AKT3: variants seen among roughly 807,000 people sequenced by gnomAD.
AKT3 encodes RAC-gamma serine/threonine-protein kinase.
AKT3 carries 15 observed loss-of-function variants against 65.3 expected under a neutral mutation model. That is an observed-to-expected ratio of 0.23 (90% CI 0.15 to 0.35). AKT3 has a LOEUF of 0.35. Among genes scored for constraint, AKT3 ranks in the 10% least tolerant of loss-of-function variants. The pLI is 1.00. For missense variants in AKT3, 243 were observed against 576.5 expected, an observed-to-expected ratio of 0.42 and a Z score of 5.92; for synonymous variants, 206 against 183.8, an observed-to-expected ratio of 1.12 and a Z score of -0.98.
intron 2 of AKT3, among the ~76,000 whole-genome samples, chr1:243,811,592 CTG>C: frequency 6.6e-6 from 1 of 152,294 alleles, no homozygotes; most frequent in African/African-American, 2.4e-5. Context: ...AATGGCCATA[CTG>C]CCCAAGGTAA....
At chr1:243,571,244 G>C (rs1467814828) in intron 9 of AKT3, among the ~76,000 whole-genome samples, 1 of 152,194 alleles carries the variant, frequency 6.6e-6, no homozygotes, top group Non-Finnish European at 1.5e-5. Flanking sequence ...CAGAACCAGG[G>C]AGTTGGAGGT....
chr1:243,807,247 C>A (rs528024698), intron 2 of AKT3, among the ~76,000 whole-genome samples: 1 of 152,134 alleles, frequency 6.6e-6, no homozygotes, highest in Admixed American at 6.5e-5. Context: ...TCACCTCACC[C>A]GGGAAGCACA....
chr1:243,754,108 G>A (rs1688978637), intron 2 of AKT3, among the ~76,000 whole-genome samples: 1 of 152,124 alleles, frequency 6.6e-6, no homozygotes, highest in Non-Finnish European at 1.5e-5. Flanking sequence ...ACAGGGTACT[G>A]GTTTGGAAGA....
At chr1:243,516,514 C>A (rs1467373577) in intron 12 of AKT3, among the ~76,000 whole-genome samples, 5 of 152,256 alleles carry the variant, frequency 3.3e-5, no homozygotes, top group Middle Eastern at 3.4e-3. Flanking sequence ...GTTCTGCTTA[C>A]ACTGTGTTTA....
At chr1:243,608,121 T>C (rs1677569063) in intron 8 of AKT3, among the ~76,000 whole-genome samples, 1 of 152,180 alleles carries the variant, frequency 6.6e-6, no homozygotes, top group African/African-American at 2.4e-5. Context: ...ACAGAGTGAC[T>C]TACACAAACC....
At chr1:243,649,714 T>C (rs1681154690) in intron 4 of AKT3, among the ~76,000 whole-genome samples, 1 of 152,186 alleles carries the variant, frequency 6.6e-6, no homozygotes, top group Non-Finnish European at 1.5e-5. Context: ...GTTTCCAGCT[T>C]CATCCATGTG....
chr1:243,790,790 G>A (rs532558157), intron 2 of AKT3, among the ~76,000 whole-genome samples: 3 of 152,184 alleles, frequency 2.0e-5, no homozygotes, highest in East Asian at 3.9e-4. Context: ...TTACTGACTG[G>A]ACTAATTTCA....
chr1:243,488,748 C>T (rs879571012), intron 13 of AKT3, among the ~76,000 whole-genome samples: 2 of 152,132 alleles, frequency 1.3e-5, no homozygotes, highest in Non-Finnish European at 2.9e-5. Flanking sequence ...CTTCCTTTTC[C>T]TTCTACTTAC....
intron 2 of AKT3, among the ~76,000 whole-genome samples, chr1:243,729,320 A>G (rs928844728): frequency 6.6e-5 from 10 of 152,196 alleles, no homozygotes; most frequent in Non-Finnish European, 1.5e-4. Flanking sequence ...ATGATAAAGC[A>G]GAGAGGGAGA....
intron 2 of AKT3, among the ~76,000 whole-genome samples, chr1:243,710,182 A>G (rs78076225): frequency 0.022 from 3,400 of 152,268 alleles, 116 homozygotes; most frequent in African/African-American, 0.078. Context: ...TTTCTGAATT[A>G]TCCTGAAAAT....
intron 12 of AKT3, among the ~76,000 whole-genome samples, chr1:243,531,963 C>G (rs1671562983): frequency 1.3e-5 from 2 of 152,134 alleles, no homozygotes; most frequent in Admixed American, 1.3e-4. Context: ...CTTTTGCATC[C>G]TGCAACTTTA....
chr1:243,839,099 A>C (rs984297297), intron 2 of AKT3, among the ~76,000 whole-genome samples: 1 of 152,174 alleles, frequency 6.6e-6, no homozygotes, highest in Admixed American at 6.5e-5. Context: ...GTTTTTATGA[A>C]ATTTTATTAA....
At chr1:243,745,607 G>C (rs1688432756) in intron 2 of AKT3, among the ~76,000 whole-genome samples, 1 of 152,138 alleles carries the variant, frequency 6.6e-6, no homozygotes, top group Non-Finnish European at 1.5e-5. Context: ...TGTCCAACCT[G>C]TGACCCTCAG....
chr1:243,733,941 A>G (rs1687696758), intron 2 of AKT3, among the ~76,000 whole-genome samples: 1 of 152,232 alleles, frequency 6.6e-6, no homozygotes, highest in African/African-American at 2.4e-5. Context: ...ACTGAGGTAC[A>G]ACTGTAACCA....
intron 3 of AKT3, among the ~76,000 whole-genome samples, chr1:243,684,609 A>T (rs1431418447): frequency 6.6e-6 from 1 of 152,192 alleles, no homozygotes; most frequent in Non-Finnish European, 1.5e-5. Context: ...ATAGGGCTGC[A>T]ATAAACATAC....
At chr1:243,797,150 A>G (rs1042366223) in intron 2 of AKT3, among the ~76,000 whole-genome samples, 4 of 152,146 alleles carry the variant, frequency 2.6e-5, no homozygotes, top group Non-Finnish European at 5.9e-5. Context: ...ATATTTTACT[A>G]CAACCTAAAA....
At chr1:243,699,043 G>C (rs1183886429) in intron 2 of AKT3, among the ~76,000 whole-genome samples, 1 of 152,090 alleles carries the variant, frequency 6.6e-6, no homozygotes, top group Non-Finnish European at 1.5e-5. Flanking sequence ...TGTGAGTTCA[G>C]ATAAGGCACG....
At chr1:243,640,565 T>A (rs576303785) in intron 5 of AKT3, among the ~76,000 whole-genome samples, 12 of 152,260 alleles carry the variant, frequency 7.9e-5, no homozygotes, top group Admixed American at 2.0e-4. Context: ...GTCCATATTA[T>A]CCTGCTGGAG....
At position 243,500,344 on chromosome 1, in the gene AKT3, C is replaced by CTCTT. The variant is rs1314473429; in HGVS notation, c.*4901_*4904dup. On this transcript the variant is annotated 3_prime_UTR_variant, in exon 14 of 14. Coordinates refer to ENST00000673466, the MANE Select transcript of AKT3 (RefSeq NM_005465.7). Reference sequence around the variant, plus strand: ...AGACACCAGGAAGCACTATGCATTACTCTTTCCATTCTGTTAAACAACGAA... The same window carrying CTCTT: ...AGACACCAGGAAGCACTATGCATTACTCTTTCTTTCCATTCTGTTAAACAACGAA... 3 of 225,096 alleles carry CTCTT rather than the reference C, an allele frequency of 1.3e-5. No homozygotes were observed. Among genetic ancestry groups the CTCTT allele is most frequent in the Non-Finnish European group, 1.8e-5 (2 of 113,330 alleles). 13.9% of individuals were successfully genotyped at this position (225,096 alleles called of 1,614,324 possible). A position where few individuals can be genotyped will look rare whatever the true frequency, so the allele number is the denominator to read the frequency against.
Sources: gnomAD v4.1 joint callset for allele counts (sites outside exome capture counted in the v4.1 genomes callset) on GRCh38, gnomAD v4.1.1 for gene constraint, MANE v1.5 for transcripts, NCBI Gene and HGNC (gene_info 2026-07-23, HGNC 2026-07-21) for gene names.